The following RBMS1 variants were observed in gnomAD, a reference collection of about 807,000 sequenced individuals.
RBMS1 encodes the protein RNA-binding motif, single-stranded-interacting protein 1.
In RBMS1, 17 loss-of-function variants were observed where a neutral mutation model predicts 62.3. The observed-to-expected ratio is 0.27, with a 90% CI of 0.19 to 0.41. RBMS1 has a LOEUF of 0.41. RBMS1 is among the 10% of genes least tolerant of loss of function. The pLI, the probability that RBMS1 is intolerant of heterozygous loss-of-function variation, is 1.00. For synonymous variants in RBMS1, 172 were observed against 170.0 expected (o/e 1.01, Z -0.09); for missense variants, 334 against 504.5 (o/e 0.66, Z 3.24).
At chr2:160,410,139 G>C (rs987645675) in intron 1 of RBMS1, among the ~76,000 whole-genome samples, 1 of 146,362 alleles carries the variant, frequency 6.8e-6, no homozygotes, top group Non-Finnish European at 1.5e-5. Flanking sequence ...GGAGAATGGC[G>C]TGAACCCAGG....
At chr2:160,456,946 CA>C (rs953433983) in intron 1 of RBMS1, among the ~76,000 whole-genome samples, 1 of 111,240 alleles carries the variant, frequency 9.0e-6, no homozygotes. Flanking sequence ...CCAAATCAAA[CA>C]AACAACAACA....
At chr2:160,372,630 C>T (rs1418238699) in intron 1 of RBMS1, among the ~76,000 whole-genome samples, 1 of 152,174 alleles carries the variant, frequency 6.6e-6, no homozygotes, top group Admixed American at 6.5e-5. Context: ...AATAAATTAT[C>T]AAAAAGGAAT....
intron 2 of RBMS1, among the ~76,000 whole-genome samples, chr2:160,323,429 C>T (rs1265056024): frequency 1.3e-5 from 2 of 151,682 alleles, no homozygotes. Flanking sequence ...TGAGCCAGGA[C>T]TGCGTCACTG....
intron 2 of RBMS1, among the ~76,000 whole-genome samples, chr2:160,322,910 T>G (rs1213291479): frequency 1.3e-5 from 2 of 152,088 alleles, no homozygotes; most frequent in African/African-American, 4.8e-5. Context: ...ATCTAGAATA[T>G]GAGGAGGAGC....
At chr2:160,396,188 G>C (rs1228766136) in intron 1 of RBMS1, among the ~76,000 whole-genome samples, 1 of 152,170 alleles carries the variant, frequency 6.6e-6, no homozygotes. Context: ...GAAATGGTTT[G>C]ATAGTGAAAT....
intron 1 of RBMS1, among the ~76,000 whole-genome samples, chr2:160,432,024 G>A (rs919769936): frequency 1.3e-5 from 2 of 152,112 alleles, no homozygotes; most frequent in African/African-American, 4.8e-5. Context: ...TTTATCACCA[G>A]TGTTTTGTAT....
chr2:160,282,254 T>C, intron 9 of RBMS1: 1 of 1,367,840 alleles, frequency 7.3e-7, no homozygotes, highest in South Asian at 1.1e-5. Context: ...TATTGCGATT[T>C]ACCTTGATAG....
chr2:160,381,994 G>A (rs956261390), intron 1 of RBMS1, among the ~76,000 whole-genome samples: 2 of 152,140 alleles, frequency 1.3e-5, no homozygotes, highest in African/African-American at 4.8e-5. Flanking sequence ...TTGGATTAAA[G>A]AACAAATCTC....
In RBMS1 at chr2:160,424,182, G is replaced by C. The variant is rs553381563; in HGVS notation, c.76-56791C>G. On this transcript the variant is annotated intron_variant, in intron 1 of 13. Coordinates refer to ENST00000348849, the MANE Select transcript of RBMS1 (RefSeq NM_016836.4). ...TACAGGCGCCCGCCACCACACGCTG[G>C]CTAATTTTTGTATTTTTAGCAGAGA... 2.9e-4 allele frequency among the ~76,000 whole-genome samples: 44 copies of C among 151,746 alleles called. 1 individual carries two copies. The highest frequency in any genetic ancestry group is 1.0e-3 in the African/African-American group (43 of 41,364).
chr2:160,290,297 G>C lies in RBMS1; in HGVS notation c.641-3213C>G, dbSNP rs115726452. ...ACCGGAAGACTGACATGCAGAAAAG[G>C]AAGTGCCATAAATACTAGTCATATG... On this transcript the variant is annotated intron_variant, in intron 6 of 13. Transcript: ENST00000348849. 2.3e-3 allele frequency among the ~76,000 whole-genome samples: 344 copies of C among 151,564 alleles called. 1 individual carries two copies. Among genetic ancestry groups the C allele is most frequent in the Non-Finnish European group, 3.8e-3 (259 of 67,948 alleles).
At chr2:160,312,180 T>A in intron 4 of RBMS1, among the ~76,000 whole-genome samples, 1 of 152,178 alleles carries the variant, frequency 6.6e-6, no homozygotes, top group Non-Finnish European at 1.5e-5. Flanking sequence ...TAAGGCCAAC[T>A]TTTTCAAGGC....
intron 1 of RBMS1, among the ~76,000 whole-genome samples, chr2:160,422,631 TC>T (rs1402917421): frequency 8.3e-6 from 1 of 120,102 alleles, no homozygotes; most frequent in African/African-American, 3.3e-5. Flanking sequence ...CCCTCACAGC[TC>T]CCCCCGCCCC....
At chr2:160,421,155 T>A (rs12463868) in intron 1 of RBMS1, among the ~76,000 whole-genome samples, 38,763 of 151,526 alleles carry the variant, frequency 0.26, 5,356 homozygotes, top group East Asian at 0.59. Flanking sequence ...TTTTTTTTTT[T>A]ATTATTATAC....
At chr2:160,469,489 T>C (rs1684832006) in intron 1 of RBMS1, among the ~76,000 whole-genome samples, 1 of 152,174 alleles carries the variant, frequency 6.6e-6, no homozygotes. Flanking sequence ...CTAAATGTGT[T>C]GTTTCTTTAG....
intron 4 of RBMS1, among the ~76,000 whole-genome samples, chr2:160,307,966 T>C (rs992336763): frequency 1.3e-5 from 2 of 152,208 alleles, no homozygotes; most frequent in African/African-American, 4.8e-5. Flanking sequence ...TCTAAGTGAT[T>C]GCCCTTAATT....
intron 9 of RBMS1, chr2:160,282,582 G>T: frequency 4.7e-6 from 1 of 210,744 alleles, no homozygotes; most frequent in South Asian, 7.2e-5. Context: ...TAATCTAATA[G>T]CTTATAGCAT....
At chr2:160,318,859 C>T (rs983314854) in intron 2 of RBMS1, among the ~76,000 whole-genome samples, 1 of 152,172 alleles carries the variant, frequency 6.6e-6, no homozygotes, top group Non-Finnish European at 1.5e-5. Context: ...AATAATTATA[C>T]AGTAAACTCA....
intron 1 of RBMS1, among the ~76,000 whole-genome samples, chr2:160,377,481 C>T (rs1299032791): frequency 6.6e-6 from 1 of 152,188 alleles, no homozygotes; most frequent in African/African-American, 2.4e-5. Flanking sequence ...TTTGCTCATG[C>T]ACAAGGCAGG....
chr2:160,384,329 AAT>A (rs1396493901), intron 1 of RBMS1, among the ~76,000 whole-genome samples: 1 of 152,244 alleles, frequency 6.6e-6, no homozygotes, highest in Non-Finnish European at 1.5e-5. Context: ...AGAAATTTAA[AAT>A]GTCATTAGAA....
Sources: gnomAD v4.1 joint callset for allele counts (sites outside exome capture counted in the v4.1 genomes callset) on GRCh38, gnomAD v4.1.1 for gene constraint, MANE v1.5 for transcripts, NCBI Gene and HGNC (gene_info 2026-07-23, HGNC 2026-07-21) for gene names.